The following DCAF6 variants were observed in gnomAD, a reference collection of about 807,000 sequenced individuals.
DCAF6 encodes DDB1- and CUL4-associated factor 6.
Under a neutral mutation model 125.1 loss-of-function variants are expected in DCAF6, and 54 were observed. The ratio of observed to expected loss-of-function variants is 0.43; its 90% confidence interval spans 0.35 to 0.54. The LOEUF is 0.54. DCAF6 is among the 20% of genes least tolerant of loss of function. The pLI is 0.01. For synonymous variants in DCAF6, 371 were observed against 390.4 expected (o/e 0.95, Z 0.58); for missense variants, 934 against 1,161.7 (o/e 0.80, Z 2.85).
chr1:167,955,187 A>T lies in DCAF6; in HGVS notation c.159+3326A>T, dbSNP rs370982183. Among the ~76,000 whole-genome samples the T allele has an allele frequency of 4.6e-5, 7 of 152,334 alleles. No individual in the cohort carries two copies. In the East Asian group the frequency reaches 1.2e-3, roughly 25 times the overall value. On this transcript the variant is annotated intron_variant, in intron 2 of 21. Coordinates refer to ENST00000367840, the MANE Select transcript of DCAF6 (RefSeq NM_001198956.2). ...TATCTCTGTTCACCTGTCAGTGGAC[A>T]TTGGGTTGTATCCAGTTGAGGACTA... is the stretch of plus-strand genomic sequence containing the variant.
intron 16 of DCAF6, among the ~76,000 whole-genome samples, chr1:168,050,070 A>G (rs1417217123): frequency 6.6e-6 from 1 of 151,308 alleles, no homozygotes; most frequent in Non-Finnish European, 1.5e-5. Context: ...CTCTCTGAAA[A>G]AAAAAAACAA....
the DCAF6 span, among the ~76,000 whole-genome samples, chr1:167,898,256 G>C: frequency 1.3e-5 from 2 of 151,946 alleles, no homozygotes; most frequent in Non-Finnish European, 2.9e-5. Context: ...CAACTTTTCT[G>C]TAAGTCTAAC....
intron 21 of DCAF6, among the ~76,000 whole-genome samples, chr1:168,074,596 C>T (rs1031553942): frequency 5.9e-5 from 9 of 152,058 alleles, no homozygotes; most frequent in African/African-American, 1.4e-4. Context: ...GACATGCAAA[C>T]GACTATTACT....
At chr1:167,939,654 T>C (rs767640865) in intron 1 of DCAF6, among the ~76,000 whole-genome samples, 2 of 152,066 alleles carry the variant, frequency 1.3e-5, no homozygotes, top group South Asian at 2.1e-4. Context: ...TCTCAGCTCC[T>C]TGGGAGGCTG....
chr1:168,053,490 A>C (rs891676314), intron 17 of DCAF6, among the ~76,000 whole-genome samples: 1 of 152,166 alleles, frequency 6.6e-6, no homozygotes, highest in Admixed American at 6.5e-5. Flanking sequence ...TGCTACAAAG[A>C]CTCAAAAGAA....
At chr1:168,022,339 G>A (rs1685768708) in intron 11 of DCAF6, among the ~76,000 whole-genome samples, 2 of 152,260 alleles carry the variant, frequency 1.3e-5, no homozygotes, top group African/African-American at 2.4e-5. Context: ...AGATCATTAA[G>A]TCTTCTCTGC....
intron 4 of DCAF6, among the ~76,000 whole-genome samples, chr1:167,986,485 A>G (rs1680026341): frequency 1.3e-5 from 2 of 152,196 alleles, no homozygotes; most frequent in Admixed American, 1.3e-4. Context: ...AAACATAGGA[A>G]TATTGTATAC....
Position 168,045,112 on chromosome 1 carries a change from C to T in DCAF6, c.2143C>T (p.Pro715Ser), listed in dbSNP as rs963252746. Reference sequence around the variant, plus strand: ...TCAGTTCCAAACAGAAGCCACTGGGCCTTCAGCTCATGAAGAAACATCCAC... The same window carrying T: ...TCAGTTCCAAACAGAAGCCACTGGGTCTTCAGCTCATGAAGAAACATCCAC... ...EPQFQTEATG[P>S]SAHEETSTRD... The change falls in exon 16 of 22, where the codon CCT (proline) becomes TCT (serine). Residue 715 changes from proline to serine, a missense_variant. Physicochemically the swap from Pro to Ser is moderately conservative, Grantham distance 74. Coordinates refer to ENST00000367840, the MANE Select transcript of DCAF6 (RefSeq NM_001198956.2). The T allele has an allele frequency of 1.9e-6, 3 of 1,613,980 alleles. No homozygotes were observed. The highest frequency in any genetic ancestry group is 1.3e-5 in the African/African-American group (1 of 75,038).
intron 14 of DCAF6, 108 bp from the exon 15 acceptor site, chr1:168,044,477 C>T: frequency 2.7e-6 from 2 of 728,806 alleles, no homozygotes; most frequent in Non-Finnish European, 4.9e-6. Context: ...AATATTATGC[C>T]ATTATATATG....
chr1:168,067,610 G>T (rs1294005101), intron 20 of DCAF6, among the ~76,000 whole-genome samples: 15 of 152,310 alleles, frequency 9.8e-5, no homozygotes, highest in Admixed American at 7.2e-4. Flanking sequence ...ATGCACAAAA[G>T]TAGCTTAATC....
At chr1:167,936,117 C>T (rs1671176810), upstream of DCAF6, 1 of 508,350 alleles carries the variant, frequency 2.0e-6, no homozygotes, top group African/African-American at 2.0e-5. Flanking sequence ...CAACAGGTGC[C>T]AAAATAATCA....
the DCAF6 span, among the ~76,000 whole-genome samples, chr1:167,875,387 T>C: frequency 6.6e-6 from 1 of 151,836 alleles, no homozygotes; most frequent in African/African-American, 2.4e-5. Context: ...AGAACTCAGG[T>C]AGCATCTGTT....
the DCAF6 span, chr1:167,901,596 G>T: frequency 6.7e-7 from 1 of 1,500,926 alleles, no homozygotes; most frequent in Non-Finnish European, 9.3e-7. Context: ...TTGGGAGAGA[G>T]AGATGCCCCA....
intron 16 of DCAF6, among the ~76,000 whole-genome samples, chr1:168,049,424 TGTTGTTG>T (rs1159327583): frequency 1.1e-5 from 1 of 94,886 alleles, no homozygotes; most frequent in African/African-American, 5.3e-5. Context: ...TTGTTGTTGT[TGTTGTTG>T]TTTTTTTTTT....
At chr1:167,962,008 A>G (rs1163591094) in intron 2 of DCAF6, among the ~76,000 whole-genome samples, 5 of 152,124 alleles carry the variant, frequency 3.3e-5, no homozygotes, top group African/African-American at 1.2e-4. Context: ...TTTTCCAGTT[A>G]TCTTTCTGTT....
intron 12 of DCAF6, among the ~76,000 whole-genome samples, chr1:168,030,929 T>C (rs1687007849): frequency 6.6e-6 from 1 of 152,174 alleles, no homozygotes; most frequent in Non-Finnish European, 1.5e-5. Context: ...GCTATTTTCT[T>C]AAATAGGTAG....
intron 20 of DCAF6, 73 bp from the exon 21 acceptor site, chr1:168,068,285 G>A (rs758874115): frequency 3.5e-5 from 35 of 1,006,490 alleles, no homozygotes; most frequent in African/African-American, 2.9e-4. Context: ...GATTGTTTAC[G>A]GTTTGCCTGA....
intron 16 of DCAF6, among the ~76,000 whole-genome samples, chr1:168,047,447 T>G (rs1236487626): frequency 6.6e-6 from 1 of 152,116 alleles, no homozygotes; most frequent in Non-Finnish European, 1.5e-5. Flanking sequence ...GGGATCACAT[T>G]TAGTTCCCTG....
chr1:167,935,635 G>A (rs1373877609), upstream of DCAF6: 7 of 935,526 alleles, frequency 7.5e-6, no homozygotes, highest in African/African-American at 1.6e-5. Flanking sequence ...TGGGGCTGTG[G>A]ATGCCTCTAG....
Sources: allele counts gnomAD v4.1 joint callset (sites outside exome capture counted in the v4.1 genomes callset), GRCh38; gene constraint gnomAD v4.1.1; transcripts MANE v1.5; gene names NCBI Gene and HGNC (gene_info 2026-07-23, HGNC 2026-07-21).